The following PDE1A variants were observed in gnomAD, a reference collection of about 807,000 sequenced individuals.
PDE1A encodes dual specificity calcium/calmodulin-dependent 3',5'-cyclic nucleotide phosphodiesterase 1A.
A neutral mutation model predicts 61.7 loss-of-function variants in PDE1A; 35 were observed. The observed-to-expected ratio is 0.57, with a 90% CI of 0.43 to 0.75. The LOEUF (loss-of-function observed/expected upper bound fraction) is 0.75, where lower values mean the gene tolerates loss of function less well. Ranked by LOEUF, PDE1A falls within the 30% of genes least tolerant of loss-of-function variation. The probability of loss-of-function intolerance (pLI) is 0.00; values close to 1 mark genes in which losing one functional copy is unlikely to be tolerated. For missense variants in PDE1A, 597 were observed against 630.6 expected, an observed-to-expected ratio of 0.95 and a Z score of 0.57; for synonymous variants, 232 against 213.2, an observed-to-expected ratio of 1.09 and a Z score of -0.77.
At chr2:182,689,569 G>C in the PDE1A span, among the ~76,000 whole-genome samples, 6 of 152,070 alleles carry the variant, frequency 3.9e-5, no homozygotes, top group Admixed American at 1.3e-4. Flanking sequence ...GCCCACAAGA[G>C]AAAGCAGGAA....
rs189223691 is a variant in PDE1A at position 182,355,226 on chromosome 2, T to A, written c.53+71352A>T. On this transcript the variant is annotated intron_variant, in intron 1 of 13. Coordinates refer to ENST00000351439, the Ensembl canonical transcript of PDE1A. Reference sequence around the variant, plus strand: ...TATCAATTGCTGAATTATACTAAAATAAATATGGCCACTCTTACCATTAAG... The same window carrying A: ...TATCAATTGCTGAATTATACTAAAAAAAATATGGCCACTCTTACCATTAAG... 1.8e-3 allele frequency among the ~76,000 whole-genome samples: 273 copies of A among 152,060 alleles called. 1 individual carries two copies. Among genetic ancestry groups the A allele is most frequent in the African/African-American group, 6.4e-3 (265 of 41,542 alleles).
intron 2 of PDE1A, among the ~76,000 whole-genome samples, chr2:182,518,714 A>G (rs897982934): frequency 6.6e-6 from 1 of 152,082 alleles, no homozygotes; most frequent in East Asian, 1.9e-4. Flanking sequence ...TCAGTAGTTT[A>G]TGGTTTCTGG....
At chr2:182,665,692 T>C in the PDE1A span, among the ~76,000 whole-genome samples, 2 of 152,302 alleles carry the variant, frequency 1.3e-5, no homozygotes, top group South Asian at 4.1e-4. Context: ...GAAATATCAT[T>C]TGACCCAGCA....
At chr2:182,557,266 C>A in the PDE1A span, among the ~76,000 whole-genome samples, 2 of 152,082 alleles carry the variant, frequency 1.3e-5, no homozygotes, top group Non-Finnish European at 2.9e-5. Context: ...AAAAAGAATA[C>A]ATTAAATTTT....
intron 1 of PDE1A, among the ~76,000 whole-genome samples, chr2:182,342,835 T>C (rs1408949322): frequency 2.6e-5 from 4 of 152,216 alleles, no homozygotes; most frequent in African/African-American, 4.8e-5. Context: ...GTCAATAGAC[T>C]CTTTCATACC....
chr2:182,223,188 A>G (rs1330992790), intron 7 of PDE1A, among the ~76,000 whole-genome samples: 1 of 151,998 alleles, frequency 6.6e-6, no homozygotes, highest in Admixed American at 6.6e-5. Flanking sequence ...CACAGCAAAA[A>G]GGGTGTTGTC....
intron 1 of PDE1A, among the ~76,000 whole-genome samples, chr2:182,273,266 A>T (rs1281851258): frequency 1.3e-5 from 2 of 152,072 alleles, no homozygotes; most frequent in Non-Finnish European, 2.9e-5. Context: ...TAGAAGTCAG[A>T]TCCTTTACTT....
At chr2:182,497,505 T>A (rs1223490772) in intron 2 of PDE1A, among the ~76,000 whole-genome samples, 1 of 152,176 alleles carries the variant, frequency 6.6e-6, no homozygotes, top group Non-Finnish European at 1.5e-5. Context: ...AAACAAGGTG[T>A]TTGTTTTCTT....
At chr2:182,155,056 T>C (rs1447411101) in intron 13 of PDE1A, among the ~76,000 whole-genome samples, 1 of 145,810 alleles carries the variant, frequency 6.9e-6, no homozygotes, top group Non-Finnish European at 1.5e-5. Context: ...CAAACATGAA[T>C]ATAAAAAAAT....
At chr2:182,564,066 T>C in the PDE1A span, among the ~76,000 whole-genome samples, 1 of 152,218 alleles carries the variant, frequency 6.6e-6, no homozygotes, top group African/African-American at 2.4e-5. Flanking sequence ...TTAAAGTTAA[T>C]ATTGTTATAT....
intron 1 of PDE1A, among the ~76,000 whole-genome samples, chr2:182,303,102 A>G (rs1259945090): frequency 2.6e-5 from 4 of 152,288 alleles, no homozygotes; most frequent in African/African-American, 9.6e-5. Context: ...ATGTCTTCCA[A>G]TTCCTGTTAA....
chr2:182,324,367 G>C (rs185940286), intron 1 of PDE1A, among the ~76,000 whole-genome samples: 1 of 151,426 alleles, frequency 6.6e-6, no homozygotes, highest in Admixed American at 6.6e-5. Flanking sequence ...TACAAATTTA[G>C]GCATATTTTA....
chr2:182,426,901 G>A, exon 1 of PDE1A: 1 of 1,245,746 alleles, frequency 8.0e-7, no homozygotes, highest in Non-Finnish European at 1.0e-6. Context: ...ATCCAGGCAA[G>A]AGAAGTGCAC....
In PDE1A at chr2:182,267,564, A is replaced by G. The variant is rs532871006; in HGVS notation, c.54-3150T>C. 3.9e-5 allele frequency among the ~76,000 whole-genome samples: 6 copies of G among 152,188 alleles called. No homozygotes were observed. In the South Asian group the frequency reaches 8.3e-4, roughly 21 times the overall value. On this transcript the variant is annotated intron_variant, in intron 1 of 13. Coordinates refer to ENST00000351439, the Ensembl canonical transcript of PDE1A. ...TGCTTCTTGCACTAAATTTTCATTA[A>G]TGAGTGCACATTTCTATTTACATAA...
intron 1 of PDE1A, among the ~76,000 whole-genome samples, chr2:182,412,561 C>T: frequency 6.6e-6 from 1 of 152,180 alleles, no homozygotes; most frequent in East Asian, 1.9e-4. Flanking sequence ...ATGGTTATTA[C>T]TGCCATGGGC....
At chr2:182,689,001 A>T in the PDE1A span, among the ~76,000 whole-genome samples, 1 of 152,228 alleles carries the variant, frequency 6.6e-6, no homozygotes, top group Non-Finnish European at 1.5e-5. Flanking sequence ...ATATGCACCC[A>T]ATACAGGAGC....
At chr2:182,575,058 G>C in the PDE1A span, among the ~76,000 whole-genome samples, 4 of 152,172 alleles carry the variant, frequency 2.6e-5, no homozygotes, top group Non-Finnish European at 5.9e-5. Flanking sequence ...AGCTGGTACT[G>C]ATGACTACCT....
intron 7 of PDE1A, among the ~76,000 whole-genome samples, chr2:182,219,297 A>G (rs554376268): frequency 2.0e-5 from 3 of 151,994 alleles, no homozygotes; most frequent in African/African-American, 7.2e-5. Flanking sequence ...TAATTTTATT[A>G]TGAAATAAAT....
At chr2:182,236,882 A>G (rs1211635077) in intron 3 of PDE1A, among the ~76,000 whole-genome samples, 1 of 152,210 alleles carries the variant, frequency 6.6e-6, no homozygotes, top group Non-Finnish European at 1.5e-5. Flanking sequence ...ACCCTTCCAA[A>G]GAGATAGCAA....
Sources: allele counts gnomAD v4.1 joint callset (sites outside exome capture counted in the v4.1 genomes callset), GRCh38; gene constraint gnomAD v4.1.1; transcripts MANE v1.5; gene names NCBI Gene and HGNC (gene_info 2026-07-23, HGNC 2026-07-21).